The following CFAP92 variants were observed in gnomAD, a reference collection of about 807,000 sequenced individuals.
The protein encoded by CFAP92 is cilia and flagella associated protein 92 (putative), also known as uncharacterized protein CFAP92.
Under a neutral mutation model 106.3 loss-of-function variants are expected in CFAP92, and 86 were observed. That is an observed-to-expected ratio of 0.81 (90% CI 0.68 to 0.97). The LOEUF (loss-of-function observed/expected upper bound fraction) is 0.97, where lower values mean the gene tolerates loss of function less well. CFAP92 is among the 50% of genes least tolerant of loss of function. The pLI, the probability that CFAP92 is intolerant of heterozygous loss-of-function variation, is 0.00. For missense variants in CFAP92, 1,204 were observed against 1,283.8 expected (o/e 0.94, Z 0.95); for synonymous variants, 477 against 506.4 (o/e 0.94, Z 0.78).
intron 9 of CFAP92, among the ~76,000 whole-genome samples, chr3:128,950,748 G>T (rs1048210080): frequency 6.6e-6 from 1 of 152,224 alleles, no homozygotes; most frequent in Admixed American, 6.5e-5. Flanking sequence ...CACTGGGGAA[G>T]CCCATGAGGG....
At chr3:128,922,603 C>T (rs963449109) in intron 12 of CFAP92, among the ~76,000 whole-genome samples, 1 of 152,150 alleles carries the variant, frequency 6.6e-6, no homozygotes, top group African/African-American at 2.4e-5. Context: ...GCTGATGTCT[C>T]TATTATTGCT....
chr3:129,001,767 G>A (rs1290496340), intron 1 of CFAP92: 1 of 1,542,704 alleles, frequency 6.5e-7, no homozygotes, highest in Non-Finnish European at 8.7e-7. Context: ...CGTGGAGAAC[G>A]AGATCGTGGT....
At chr3:128,953,430 G>T (rs1374480489) in intron 9 of CFAP92, among the ~76,000 whole-genome samples, 1 of 152,124 alleles carries the variant, frequency 6.6e-6, no homozygotes, top group African/African-American at 2.4e-5. Flanking sequence ...GAGGAGAATG[G>T]CATGAACCCA....
chr3:128,962,669 C>A (rs1271946332), intron 9 of CFAP92, among the ~76,000 whole-genome samples: 1 of 152,156 alleles, frequency 6.6e-6, no homozygotes, highest in African/African-American at 2.4e-5. Flanking sequence ...CCTAATCATC[C>A]TTACCCCGCT....
chr3:129,010,538 G>A, the CFAP92 span, among the ~76,000 whole-genome samples: 132 of 152,210 alleles, frequency 8.7e-4, no homozygotes, highest in African/African-American at 2.9e-3. The surrounding 1 kb of genome is among the most constrained non-coding windows in gnomAD (Gnocchi z 4.3). Context: ...GAGGAGGGAC[G>A]GCAATTGGCT....
At position 128,916,249 on chromosome 3, in the gene CFAP92, T is replaced by G; in HGVS notation, c.2774A>C (p.Gln925Pro). 8.1e-7 allele frequency: 1 copy of G among 1,232,154 alleles called. No individual in the cohort carries two copies. Among genetic ancestry groups the G allele is most frequent in the Non-Finnish European group, 1.0e-6 (1 of 987,970 alleles). 76.3% of individuals were successfully genotyped at this position (1,232,154 alleles called of 1,614,324 possible). The change falls in exon 13 of 16, where the codon CAG becomes CCG. Residue 925 changes from glutamine (Q) to proline (P), a missense_variant. Coordinates refer to ENST00000645291, the MANE Select transcript of CFAP92 (RefSeq NM_001394090.1). Reference sequence around the variant, plus strand: ...GGACTTCGGAGGCTTCTTGCTGACCTGGTAGGCTTCTGTGATATTTTTCTG... The same window carrying G: ...GGACTTCGGAGGCTTCTTGCTGACCGGGTAGGCTTCTGTGATATTTTTCTG... ...FIQKNITEAY[Q>P]VSKKPPKSVA...
At chr3:129,002,060 G>T in intron 1 of CFAP92, 1 of 1,539,158 alleles carries the variant, frequency 6.5e-7, no homozygotes, top group Non-Finnish European at 8.8e-7. Flanking sequence ...CCTTCCGCCA[G>T]TTCCACGCGC....
Position 128,931,527 on chromosome 3 carries a change from G to GTATATA in CFAP92, c.2751+1167_2751+1172dup, listed in dbSNP as rs57453990. On this transcript the variant is annotated intron_variant, in intron 12 of 15. Transcript: ENST00000645291. ...TATATGTATATATATGTATGTATGT[G>GTATATA]TATATATATATATATATTACACAAG... Among the ~76,000 whole-genome samples, 8 of 117,530 alleles carry GTATATA rather than the reference G, an allele frequency of 6.8e-5. No homozygotes were observed. In the South Asian group the frequency reaches 8.2e-4, roughly 12 times the overall value. The allele number at this position is 117,530 out of a possible 152,430, so 77.1% of individuals were successfully genotyped here. A position where few individuals can be genotyped will look rare whatever the true frequency, so the allele number is the denominator to read the frequency against.
upstream of CFAP92, among the ~76,000 whole-genome samples, chr3:128,998,777 C>T (rs1944576137): frequency 6.6e-6 from 1 of 152,168 alleles, no homozygotes; most frequent in Non-Finnish European, 1.5e-5. Context: ...TTACAAAGCT[C>T]AGTTCCTGTG....
At chr3:128,917,059 A>G (rs1559847151) in intron 12 of CFAP92, among the ~76,000 whole-genome samples, 1 of 152,198 alleles carries the variant, frequency 6.6e-6, no homozygotes, top group Non-Finnish European at 1.5e-5. Flanking sequence ...GGGGAGGACA[A>G]AATTTGTGAT....
intron 13 of CFAP92, 72 bp from the exon 14 acceptor site, chr3:128,915,635 C>T (rs553353301): frequency 1.6e-4 from 160 of 1,006,392 alleles, no homozygotes; most frequent in Non-Finnish European, 1.9e-4. Flanking sequence ...AAGTAGGAAT[C>T]AGAAACAGCT....
intron 12 of CFAP92, among the ~76,000 whole-genome samples, chr3:128,931,046 C>T (rs1438890813): frequency 2.0e-5 from 3 of 152,142 alleles, no homozygotes; most frequent in Admixed American, 6.5e-5. Flanking sequence ...GATGAGATTA[C>T]AAGTGTGCAC....
chr3:129,005,309 AGAG>A (rs1220590778), upstream of CFAP92, among the ~76,000 whole-genome samples: 1 of 152,192 alleles, frequency 6.6e-6, no homozygotes, highest in Non-Finnish European at 1.5e-5. Context: ...CCAGATGGAG[AGAG>A]GAGAAGAGAG....
intron 4 of CFAP92, among the ~76,000 whole-genome samples, chr3:128,981,542 A>G (rs548415728): frequency 6.6e-6 from 1 of 151,570 alleles, no homozygotes; most frequent in Non-Finnish European, 1.5e-5. Context: ...TGTTGGCCAC[A>G]CTGGTCTCAA....
chr3:128,947,553 C>T (rs1297387025), intron 9 of CFAP92, among the ~76,000 whole-genome samples: 1 of 152,176 alleles, frequency 6.6e-6, no homozygotes, highest in East Asian at 1.9e-4. Context: ...CAGACACAGA[C>T]CCACGGATCA....
At chr3:128,978,309 C>T (rs529232087) in intron 4 of CFAP92, 124 bp from the exon 5 acceptor site, 345 of 922,238 alleles carry the variant, frequency 3.7e-4, no homozygotes, top group Admixed American at 1.3e-3. Context: ...AAGTAAATAT[C>T]ACAATAAAGT....
chr3:128,962,264 T>C (rs961199795), intron 9 of CFAP92, among the ~76,000 whole-genome samples: 4 of 152,056 alleles, frequency 2.6e-5, no homozygotes, highest in African/African-American at 9.7e-5. Flanking sequence ...CCCGTCCCCT[T>C]CTTAAGCAAT....
chr3:129,020,403 G>A, the CFAP92 span, among the ~76,000 whole-genome samples: 4 of 152,222 alleles, frequency 2.6e-5, no homozygotes, highest in South Asian at 2.1e-4. Context: ...TTGGGAGGCC[G>A]AGATGGGTGA....
intron 15 of CFAP92, among the ~76,000 whole-genome samples, chr3:128,911,589 C>T (rs1936327828): frequency 1.3e-5 from 2 of 152,072 alleles, no homozygotes; most frequent in Non-Finnish European, 2.9e-5. Context: ...AGGCACGCAC[C>T]ACCATGCCCA....
Sources: allele counts gnomAD v4.1 joint callset (sites outside exome capture counted in the v4.1 genomes callset), GRCh38; gene constraint gnomAD v4.1.1; non-coding constraint Gnocchi (gnomAD v3.1); transcripts MANE v1.5; gene names NCBI Gene and HGNC (gene_info 2026-07-23, HGNC 2026-07-21).